SI: variants seen among roughly 807,000 people sequenced by gnomAD.
SI encodes sucrase-isomaltase, intestinal.
A neutral mutation model predicts 253.3 loss-of-function variants in SI; 235 were observed. The observed-to-expected ratio is 0.93, with a 90% confidence interval of 0.83 to 1.03. The LOEUF (loss-of-function observed/expected upper bound fraction) is 1.03. SI is among the 50% of genes least tolerant of loss of function. The pLI, the probability that SI is intolerant of heterozygous loss-of-function variation, is 0.00. For missense variants in SI, 2,442 were observed against 2,211.1 expected, an observed-to-expected ratio of 1.10 and a Z score of -2.09; for synonymous variants, 819 against 712.0, an observed-to-expected ratio of 1.15 and a Z score of -2.39.
intron 15 of SI, among the ~76,000 whole-genome samples, chr3:165,047,423 T>C (rs1029836310): frequency 6.6e-6 from 1 of 152,106 alleles, no homozygotes; most frequent in African/African-American, 2.4e-5. Context: ...TTTAGTAAAT[T>C]GCCCAGTCTC....
intron 9 of SI, among the ~76,000 whole-genome samples, chr3:165,061,157 G>A (rs1170668042): frequency 1.3e-5 from 2 of 151,692 alleles, no homozygotes; most frequent in African/African-American, 4.8e-5. Context: ...CAACATATAT[G>A]TTGACATAAA....
At chr3:165,034,656 A>G (rs182449576) in intron 22 of SI, among the ~76,000 whole-genome samples, 5 of 152,052 alleles carry the variant, frequency 3.3e-5, no homozygotes, top group Non-Finnish European at 1.5e-5. Context: ...AATGAGAAAT[A>G]GAAAGCAATA....
chr3:165,007,488 C>T (rs1718568760), intron 36 of SI, among the ~76,000 whole-genome samples: 1 of 151,934 alleles, frequency 6.6e-6, no homozygotes, highest in Non-Finnish European at 1.5e-5. Context: ...TTCCCTTATC[C>T]TTAGTAAAGA....
chr3:164,984,791 CAT>C (rs957302577), intron 45 of SI, among the ~76,000 whole-genome samples: 1 of 151,966 alleles, frequency 6.6e-6, no homozygotes. Context: ...AAAATTTGAA[CAT>C]GTTTGTTTAA....
intron 26 of SI, among the ~76,000 whole-genome samples, 166 bp downstream of exon 26, chr3:165,023,404 G>C (rs1193475094): frequency 6.6e-6 from 1 of 151,266 alleles, no homozygotes; most frequent in Non-Finnish European, 1.5e-5. Context: ...TTCATTTATT[G>C]GGCACCTAGC....
At chr3:165,025,531 T>C (rs1159006504) in intron 25 of SI, among the ~76,000 whole-genome samples, 7 of 151,152 alleles carry the variant, frequency 4.6e-5, no homozygotes, top group African/African-American at 1.5e-4. Context: ...AAAAGGTCAT[T>C]GCCTAGACAC....
At chr3:165,045,194 C>T (rs1006352825) in intron 16 of SI, among the ~76,000 whole-genome samples, 4 of 152,010 alleles carry the variant, frequency 2.6e-5, no homozygotes, top group Admixed American at 2.6e-4. Context: ...AGTTTAGAGT[C>T]ACCTTTTATG....
In SI at chr3:165,000,380, G is replaced by A. The variant is rs202007112; in HGVS notation, c.4407-1707C>T. Among the ~76,000 whole-genome samples, 9 of 151,268 alleles carry A rather than the reference G, an allele frequency of 5.9e-5. No homozygotes were observed. The East Asian group carries it at 1.6e-3, about 26-fold the overall frequency. ...CAGTTAGATAGGAAGAATAAATTTA[G>A]CAAGATGACCATAGTTAATATATTG... On this transcript the variant is annotated intron_variant, in intron 37 of 47. Transcript: ENST00000264382.
At chr3:165,006,563 A>C (rs2108154314) in intron 37 of SI, among the ~76,000 whole-genome samples, 1 of 152,312 alleles carries the variant, frequency 6.6e-6, no homozygotes, top group East Asian at 1.9e-4. Flanking sequence ...GGGCACATAG[A>C]AACAAAATAA....
Position 165,012,956 on chromosome 3 carries a change from A to G in SI, c.4062+24T>C, listed in dbSNP as rs375201436. Reference sequence around the variant, plus strand: ...TAAGTTTTGAATTTCTTCTCATTGTATAGTTAGCCCGTGTAAAACTTACAT... The same window carrying G: ...TAAGTTTTGAATTTCTTCTCATTGTGTAGTTAGCCCGTGTAAAACTTACAT... On this transcript the variant is annotated intron_variant, in intron 34 of 47. Coordinates refer to ENST00000264382, the MANE Select transcript of SI (RefSeq NM_001041.4). 1.7e-5 allele frequency: 24 copies of G among 1,424,516 alleles called. No homozygotes were observed. The African/African-American group carries it at 2.7e-4, about 16-fold the overall frequency. The allele number at this position is 1,424,516 out of a possible 1,614,324, so 88.2% of individuals were successfully genotyped here.
intron 40 of SI, among the ~76,000 whole-genome samples, chr3:164,995,683 A>G (rs1234956904): frequency 6.6e-6 from 1 of 151,682 alleles, no homozygotes; most frequent in Admixed American, 6.6e-5. Flanking sequence ...CCCCACACCC[A>G]TCTCAGCTCT....
intron 47 of SI, 105 bp downstream of exon 47, chr3:164,982,138 A>G (rs1215824006): frequency 8.6e-6 from 7 of 810,400 alleles, no homozygotes; most frequent in Non-Finnish European, 1.4e-5. Flanking sequence ...GAAGAATGTC[A>G]TAATTGACTC....
chr3:164,991,849 C>T (rs1343184069), intron 43 of SI, among the ~76,000 whole-genome samples: 1 of 151,922 alleles, frequency 6.6e-6, no homozygotes, highest in Non-Finnish European at 1.5e-5. Context: ...GCTTGACTTG[C>T]CATGTACATT....
chr3:165,034,843 C>T (rs984340227), intron 22 of SI, among the ~76,000 whole-genome samples: 1 of 151,920 alleles, frequency 6.6e-6, no homozygotes, highest in Non-Finnish European at 1.5e-5. Context: ...ACTGGAATCA[C>T]CTTTTAAAAT....
In SI at chr3:164,982,392, T is replaced by C. The variant is rs535971512; in HGVS notation, c.5266A>G (p.Ile1756Val). ...NLNQTTLTST[I>V]LKRGYINKSE... is the part of the protein sequence containing the mutation. ...TTATTTATGTAACCTCTCTTCAATA[T>C]AGTGCTTGTTAAGGTGGTCTATAAA... The change falls in exon 47 of 48, where the codon ATA becomes GTA. Residue 1756 changes from isoleucine to valine, a missense_variant. Transcript: ENST00000264382. The C allele has an allele frequency of 1.1e-5, 18 of 1,611,324 alleles. No homozygotes were observed. The highest frequency in any genetic ancestry group is 2.2e-5 in the South Asian group (2 of 91,010).
rs544639232 is a variant in SI at position 165,069,880 on chromosome 3, T to C, written c.256-685A>G. 3.3e-5 allele frequency among the ~76,000 whole-genome samples: 5 copies of C among 151,636 alleles called. No homozygotes were observed. In the East Asian group the frequency reaches 7.7e-4, roughly 23 times the overall value. ...GAATAGCAGTATAATTATAAATCTATGTAAATTTAATAGTGTGACACACTT... is the reference window on the plus strand; with the variant it reads ...GAATAGCAGTATAATTATAAATCTACGTAAATTTAATAGTGTGACACACTT... On this transcript the variant is annotated intron_variant, in intron 3 of 47. Transcript: ENST00000264382.
intron 24 of SI, among the ~76,000 whole-genome samples, chr3:165,032,168 A>G (rs1576897791): frequency 6.6e-6 from 1 of 151,324 alleles, no homozygotes; most frequent in Non-Finnish European, 1.5e-5. Flanking sequence ...TAAAGCAGCT[A>G]AAACATTTGG....
At chr3:165,029,581 C>T (rs868707193) in intron 25 of SI, among the ~76,000 whole-genome samples, 8 of 131,140 alleles carry the variant, frequency 6.1e-5, no homozygotes, top group South Asian at 2.4e-4. Context: ...TATATATATA[C>T]ATATATATGT....
At chr3:164,991,291 T>C in intron 44 of SI, 62 bp downstream of exon 44, 2 of 1,592,318 alleles carry the variant, frequency 1.3e-6, no homozygotes, top group South Asian at 2.2e-5. Context: ...TTTCTATTTC[T>C]TAACAATGCT....
Sources: gnomAD v4.1 joint callset for allele counts (sites outside exome capture counted in the v4.1 genomes callset) on GRCh38, gnomAD v4.1.1 for gene constraint, MANE v1.5 for transcripts, NCBI Gene and HGNC (gene_info 2026-07-23, HGNC 2026-07-21) for gene names.